Variants in HERC3 observed in about 807,000 individuals in gnomAD.
The protein encoded by HERC3 is HECT and RLD domain containing E3 ubiquitin protein ligase 3, also known as probable E3 ubiquitin-protein ligase HERC3.
HERC3 carries 58 observed loss-of-function variants against 129.9 expected under a neutral mutation model. That is an observed-to-expected ratio of 0.45 (90% CI 0.36 to 0.56). HERC3 has a LOEUF of 0.56. HERC3 is among the 20% of genes least tolerant of loss of function. The probability of loss-of-function intolerance (pLI) is 0.00; values close to 1 mark genes in which losing one functional copy is unlikely to be tolerated. For missense variants in HERC3, 835 were observed against 1,244.2 expected, an observed-to-expected ratio of 0.67 and a Z score of 4.95; for synonymous variants, 430 against 451.0, an observed-to-expected ratio of 0.95 and a Z score of 0.59.
chr4:88,546,796 T>C, the HERC3 span, among the ~76,000 whole-genome samples: 1 of 152,248 alleles, frequency 6.6e-6, no homozygotes, highest in Non-Finnish European at 1.5e-5. Context: ...CATTGGGCAT[T>C]GTTAATCCCA....
chr4:88,544,312 GA>G, the HERC3 span, among the ~76,000 whole-genome samples: 3 of 152,042 alleles, frequency 2.0e-5, no homozygotes, highest in Non-Finnish European at 2.9e-5. Context: ...CAATAAACAT[GA>G]AAAAAAGCTC....
chr4:88,524,794 T>C, the HERC3 span: 1 of 152,316 alleles, frequency 6.6e-6, no homozygotes. Context: ...TCAAAGATTC[T>C]CATTAGTCAT....
chr4:88,603,733 C>T (rs1723287226), intron 2 of HERC3, among the ~76,000 whole-genome samples: 1 of 152,200 alleles, frequency 6.6e-6, no homozygotes, highest in Non-Finnish European at 1.5e-5. Flanking sequence ...CTGATCAAAG[C>T]ATTAGATAAA....
At chr4:88,697,398 C>T (rs1266054252) in intron 23 of HERC3, 1 of 1,614,106 alleles carries the variant, frequency 6.2e-7, no homozygotes, top group Admixed American at 1.7e-5. Context: ...GCTCTTGGAT[C>T]TTGGCGAGTA....
chr4:88,614,698 CTTTG>C (rs1479714483), intron 3 of HERC3, among the ~76,000 whole-genome samples: 1 of 152,032 alleles, frequency 6.6e-6, no homozygotes, highest in African/African-American at 2.4e-5. Context: ...GCCTCTTGTT[CTTTG>C]TTTTTTTATT....
At chr4:88,676,903 G>A (rs1184390537) in intron 18 of HERC3, among the ~76,000 whole-genome samples, 1 of 152,138 alleles carries the variant, frequency 6.6e-6, no homozygotes, top group Non-Finnish European at 1.5e-5. Flanking sequence ...AACACTTTGG[G>A]AGGCCGAGGC....
intron 16 of HERC3, 38 bp downstream of exon 16, chr4:88,670,290 TTTTATA>T (rs1427383990): frequency 1.4e-6 from 2 of 1,384,092 alleles, no homozygotes; most frequent in Non-Finnish European, 2.1e-6. Context: ...GCTTTAGTCT[TTTTATA>T]AGAAAAGCAC....
At chr4:88,563,824 A>G in the HERC3 span, among the ~76,000 whole-genome samples, 1 of 151,586 alleles carries the variant, frequency 6.6e-6, no homozygotes, top group Non-Finnish European at 1.5e-5. Context: ...ACGCCCGGCT[A>G]ATTTTGTATT....
chr4:88,553,090 A>G, the HERC3 span, among the ~76,000 whole-genome samples: 1 of 152,214 alleles, frequency 6.6e-6, no homozygotes, highest in South Asian at 2.1e-4. Flanking sequence ...GGTGTAGCTG[A>G]AATCTATGAG....
chr4:88,686,170 G>T (rs1040194390), intron 21 of HERC3, among the ~76,000 whole-genome samples: 4 of 152,082 alleles, frequency 2.6e-5, no homozygotes, highest in Admixed American at 1.3e-4. Flanking sequence ...TAGTGTGAGT[G>T]TATTTTATGT....
chr4:88,644,125 A>G (rs1034051729), intron 3 of HERC3, among the ~76,000 whole-genome samples: 1 of 152,222 alleles, frequency 6.6e-6, no homozygotes, highest in African/African-American at 2.4e-5. Context: ...TACTGATAAT[A>G]GCAAGTGTTG....
chr4:88,631,946 T>C (rs1382102799), intron 3 of HERC3, among the ~76,000 whole-genome samples: 1 of 152,152 alleles, frequency 6.6e-6, no homozygotes, highest in Non-Finnish European at 1.5e-5. Context: ...GAAAAACAAA[T>C]AGTGGCAGGC....
chr4:88,585,463 A>C, the HERC3 span, among the ~76,000 whole-genome samples: 1 of 152,054 alleles, frequency 6.6e-6, no homozygotes, highest in East Asian at 1.9e-4. Context: ...ATGGACAATA[A>C]AATGTCTTCT....
intron 3 of HERC3, among the ~76,000 whole-genome samples, chr4:88,629,983 C>T (rs1346867833): frequency 2.0e-5 from 3 of 152,084 alleles, no homozygotes; most frequent in Non-Finnish European, 4.4e-5. Context: ...TATTGACTGC[C>T]TTCCAAGGAG....
chr4:88,643,614 A>G (rs956188208), intron 3 of HERC3, among the ~76,000 whole-genome samples: 5 of 152,242 alleles, frequency 3.3e-5, no homozygotes, highest in African/African-American at 1.2e-4. Context: ...ATGGAAATGT[A>G]AAAGAGATTC....
chr4:88,696,430 A>G (rs147268003), intron 23 of HERC3: 51 of 152,784 alleles, frequency 3.3e-4, no homozygotes, highest in African/African-American at 1.1e-3. Context: ...AAGTGATTTA[A>G]TACTTAAACA....
At chr4:88,574,801 T>C in the HERC3 span, among the ~76,000 whole-genome samples, 1 of 152,206 alleles carries the variant, frequency 6.6e-6, no homozygotes, top group Non-Finnish European at 1.5e-5. Flanking sequence ...CACCTTTCAT[T>C]TATCCATTCA....
chr4:88,607,055 G>T (rs1019566409), intron 3 of HERC3, among the ~76,000 whole-genome samples: 1 of 152,142 alleles, frequency 6.6e-6, no homozygotes, highest in Non-Finnish European at 1.5e-5. Flanking sequence ...TGATGTGGCT[G>T]CAGTGATCCT....
intron 23 of HERC3, among the ~76,000 whole-genome samples, chr4:88,688,553 TA>T (rs1733722237): frequency 6.6e-6 from 1 of 152,134 alleles, no homozygotes. Flanking sequence ...ATATTGATAA[TA>T]ATGCTGAGGT....
Sources: allele counts gnomAD v4.1 joint callset (sites outside exome capture counted in the v4.1 genomes callset), GRCh38; gene constraint gnomAD v4.1.1; transcripts MANE v1.5; gene names NCBI Gene and HGNC (gene_info 2026-07-23, HGNC 2026-07-21).